Variants in DLGAP2 observed in about 807,000 individuals in gnomAD.
DLGAP2 encodes DLG associated protein 2.
DLGAP2 carries 26 observed loss-of-function variants against 100.3 expected under a neutral mutation model. The ratio of observed to expected loss-of-function variants is 0.26; its 90% CI spans 0.19 to 0.36. The LOEUF is 0.36. Ranked by LOEUF, DLGAP2 falls within the 10% of genes least tolerant of loss-of-function variation. The pLI is 1.00. For missense variants in DLGAP2, 1,858 were observed against 1,453.2 expected (o/e 1.28, Z -4.53); for synonymous variants, 886 against 630.1 (o/e 1.41, Z -6.08).
At chr8:740,234 G>A (rs1232026946) in intron 1 of DLGAP2, 1 of 152,222 alleles carries the variant, frequency 6.6e-6, no homozygotes, top group African/African-American at 2.4e-5. Context: ...TCAGCACGAA[G>A]ATGTTTTCTC....
At chr8:1,194,357 C>T (rs935826) in intron 2 of DLGAP2, among the ~76,000 whole-genome samples, 1 of 151,754 alleles carries the variant, frequency 6.6e-6, no homozygotes, top group Non-Finnish European at 1.5e-5. Flanking sequence ...GGCAGACAGT[C>T]AGTGGTCGGT....
chr8:1,072,463 A>G (rs1313400792), intron 2 of DLGAP2, among the ~76,000 whole-genome samples: 1 of 152,178 alleles, frequency 6.6e-6, no homozygotes, highest in Non-Finnish European at 1.5e-5. Flanking sequence ...GAGACTTGAA[A>G]TGCAGAGTCC....
At chr8:1,338,547 T>C (rs1022527786) in intron 3 of DLGAP2, among the ~76,000 whole-genome samples, 1 of 152,210 alleles carries the variant, frequency 6.6e-6, no homozygotes, top group African/African-American at 2.4e-5. Context: ...TCCTTTGAAA[T>C]TACATAGCGG....
chr8:763,341 C>T (rs1014632443), intron 1 of DLGAP2, among the ~76,000 whole-genome samples: 2 of 152,194 alleles, frequency 1.3e-5, no homozygotes, highest in East Asian at 1.9e-4. Context: ...TGTCACTCAT[C>T]TTCTTGCATA....
At chr8:1,138,317 C>G (rs961809455) in intron 2 of DLGAP2, among the ~76,000 whole-genome samples, 2 of 152,194 alleles carry the variant, frequency 1.3e-5, no homozygotes, top group Admixed American at 1.3e-4. Flanking sequence ...TGTCTGCATG[C>G]CGATGAAGAC....
chr8:1,121,853 A>G (rs6983835), intron 2 of DLGAP2, among the ~76,000 whole-genome samples: 42,181 of 152,234 alleles, frequency 0.28, 6,857 homozygotes, highest in Middle Eastern at 0.38. Flanking sequence ...TCTCTTCAGA[A>G]CTTATAACCT....
intron 1 of DLGAP2, chr8:754,138 C>CA (rs920752538): frequency 6.6e-6 from 1 of 152,258 alleles, no homozygotes; most frequent in African/African-American, 2.4e-5. Flanking sequence ...GGTGCCTTTC[C>CA]GAGTCCTCAC....
At chr8:1,515,040 A>G (rs11782023) in intron 4 of DLGAP2, among the ~76,000 whole-genome samples, 96,743 of 151,316 alleles carry the variant, frequency 0.64, 31,286 homozygotes, top group South Asian at 0.8. Flanking sequence ...CAGGGAGACC[A>G]ACGTGCAGGG....
intron 3 of DLGAP2, among the ~76,000 whole-genome samples, chr8:1,360,695 C>G (rs187607364): frequency 1.3e-5 from 2 of 152,294 alleles, no homozygotes; most frequent in Admixed American, 6.5e-5. Flanking sequence ...CACACCACAC[C>G]GCCCCCACCA....
chr8:927,249 A>G, intron 2 of DLGAP2: 1 of 984,246 alleles, frequency 1.0e-6, no homozygotes, highest in Non-Finnish European at 1.2e-6. Context: ...ATTCATGTTG[A>G]TGGAGGACAG....
chr8:981,247 G>A lies in DLGAP2; in HGVS notation c.73+73281G>A, dbSNP rs1486268303. ...CTCATCTGGGTTGTGGCATGCATCA[G>A]AATACCGTTGCTTTCTGGGGCTGAG... On this transcript the variant is annotated intron_variant, in intron 2 of 14. Transcript: ENST00000637795. Among the ~76,000 whole-genome samples, 8 of 152,278 alleles carry A rather than the reference G, an allele frequency of 5.3e-5. No individual in the cohort carries two copies. In the East Asian group the frequency reaches 1.5e-3, roughly 29 times the overall value.
chr8:1,136,329 G>A (rs1796411783), intron 2 of DLGAP2, among the ~76,000 whole-genome samples: 1 of 152,100 alleles, frequency 6.6e-6, no homozygotes, highest in African/African-American at 2.4e-5. Flanking sequence ...CATCAGCCAT[G>A]AAGTGGGCTT....
chr8:949,540 G>T (rs1221151209), intron 2 of DLGAP2, among the ~76,000 whole-genome samples: 5 of 152,192 alleles, frequency 3.3e-5, no homozygotes, highest in Admixed American at 2.0e-4. Flanking sequence ...AGTCGGGCCA[G>T]TGCCTGCCGG....
At chr8:1,427,951 C>T (rs1472880909) in intron 3 of DLGAP2, among the ~76,000 whole-genome samples, 1 of 152,098 alleles carries the variant, frequency 6.6e-6, no homozygotes, top group Non-Finnish European at 1.5e-5. Flanking sequence ...ATAAAATGAA[C>T]TTATATCAGT....
At chr8:1,302,723 A>G (rs529124767) in intron 3 of DLGAP2, 26 of 152,382 alleles carry the variant, frequency 1.7e-4, no homozygotes, top group African/African-American at 6.0e-4. Flanking sequence ...AGTTACGGGT[A>G]ACGGGCAGTG....
rs575455079 is a variant in DLGAP2, at chr8:911,358, G to C, written c.73+3392G>C. ...ACGCATGTATAACGTACATTGGGAG[G>C]ATATGTGTATAACATATGTTGGAAA... On this transcript the variant is annotated intron_variant, in intron 2 of 14. Transcript: ENST00000637795. Among the ~76,000 whole-genome samples, 4 of 152,192 alleles carry C rather than the reference G, an allele frequency of 2.6e-5. No homozygotes were observed. In the South Asian group the frequency reaches 8.3e-4, roughly 32 times the overall value.
At chr8:1,191,371 C>T (rs1033974714) in intron 2 of DLGAP2, among the ~76,000 whole-genome samples, 33 of 152,124 alleles carry the variant, frequency 2.2e-4, no homozygotes, top group Admixed American at 9.8e-4. Flanking sequence ...GGGATTTCAC[C>T]GTGTTAGCCA....
At chr8:1,594,051 C>T (rs1045183383) in intron 6 of DLGAP2, among the ~76,000 whole-genome samples, 3 of 152,242 alleles carry the variant, frequency 2.0e-5, no homozygotes, top group Middle Eastern at 3.4e-3. Context: ...CTGATTCAGG[C>T]AGAGCAAACA....
rs745340009 is a variant in DLGAP2, at chr8:1,548,623, C to T, written c.173-3C>T. 1 of 1,506,892 alleles carries T rather than the reference C, an allele frequency of 6.6e-7. No homozygotes were observed. The highest frequency in any genetic ancestry group is 8.9e-7 in the Non-Finnish European group (1 of 1,129,406). 93.3% of individuals were successfully genotyped at this position (1,506,892 alleles called of 1,614,324 possible). A position where few individuals can be genotyped will look rare whatever the true frequency, so the allele number is the denominator to read the frequency against. The stretch of plus-strand genomic sequence containing the variant: ...GTTCAATGCCGTTTCTGTTTCCCCA[C>T]AGACCCGCAGTACTCATGGTCGCCC... On this transcript the variant is annotated splice_polypyrimidine_tract_variant and splice_region_variant and intron_variant, in intron 4 of 14. Transcript: ENST00000637795.
Sources: allele counts gnomAD v4.1 joint callset (sites outside exome capture counted in the v4.1 genomes callset), GRCh38; gene constraint gnomAD v4.1.1; transcripts MANE v1.5; gene names NCBI Gene and HGNC (gene_info 2026-07-23, HGNC 2026-07-21).